The following PRKAR1B variants were observed in gnomAD, a reference collection of about 807,000 sequenced individuals.
The protein encoded by PRKAR1B is cAMP-dependent protein kinase type I-beta regulatory subunit.
PRKAR1B carries 22 observed loss-of-function variants against 46.5 expected under a neutral mutation model. That is an observed-to-expected ratio of 0.47 (90% confidence interval 0.34 to 0.68). PRKAR1B has a LOEUF of 0.68. Ranked by LOEUF, PRKAR1B falls within the 30% of genes least tolerant of loss-of-function variation. The probability of loss-of-function intolerance (pLI) is 0.01; values close to 1 mark genes in which losing one functional copy is unlikely to be tolerated. For missense variants in PRKAR1B, 445 were observed against 535.6 expected, an observed-to-expected ratio of 0.83 and a Z score of 1.67; for synonymous variants, 259 against 217.7, an observed-to-expected ratio of 1.19 and a Z score of -1.67.
chr7:573,457 T>C (rs1779640248), intron 9 of PRKAR1B, among the ~76,000 whole-genome samples: 1 of 152,014 alleles, frequency 6.6e-6, no homozygotes, highest in Admixed American at 6.6e-5. Context: ...GGGAAGCCTG[T>C]GCAGGAGCGC....
At chr7:633,106 G>A (rs999055560) in intron 4 of PRKAR1B, among the ~76,000 whole-genome samples, 4 of 152,226 alleles carry the variant, frequency 2.6e-5, no homozygotes, top group East Asian at 3.8e-4. Context: ...TCTGGAATAC[G>A]CTCAGAAACA....
intron 9 of PRKAR1B, among the ~76,000 whole-genome samples, chr7:554,321 G>A (rs1478575659): frequency 2.0e-5 from 3 of 152,266 alleles, no homozygotes; most frequent in Non-Finnish European, 4.4e-5. Context: ...TGTGAGCGGC[G>A]TTATTTGTCT....
At chr7:668,866 A>C (rs1287877167) in intron 4 of PRKAR1B, among the ~76,000 whole-genome samples, 1 of 152,118 alleles carries the variant, frequency 6.6e-6, no homozygotes, top group African/African-American at 2.4e-5. Context: ...AGTTGCCACC[A>C]AGAGGGCACA....
intron 2 of PRKAR1B, among the ~76,000 whole-genome samples, chr7:684,585 C>A (rs115282894): frequency 6.6e-6 from 1 of 152,106 alleles, no homozygotes; most frequent in Non-Finnish European, 1.5e-5. Context: ...ACGGAGGGAA[C>A]GGTTCTGCTG....
At chr7:625,003 A>G (rs543135236) in intron 4 of PRKAR1B, among the ~76,000 whole-genome samples, 36 of 152,358 alleles carry the variant, frequency 2.4e-4, no homozygotes, top group African/African-American at 8.2e-4. Context: ...GAGAGAAAAC[A>G]TTCTGGGCCA....
At chr7:716,377 A>G (rs530573941) in intron 1 of PRKAR1B, among the ~76,000 whole-genome samples, 1 of 152,126 alleles carries the variant, frequency 6.6e-6, no homozygotes, top group East Asian at 1.9e-4. Context: ...TCTTTTCCCA[A>G]TCACCACATA....
intron 9 of PRKAR1B, among the ~76,000 whole-genome samples, chr7:566,429 C>CCATCGTTATCACCATCACCACCAG (rs1779147225): frequency 7.1e-4 from 2 of 2,814 alleles, no homozygotes; most frequent in Admixed American, 3.8e-3. Context: ...ACCATCACCA[C>CCATCGTTATCACCATCACCACCAG]CATCACCATC....
chr7:637,148 G>A (rs953574664), intron 4 of PRKAR1B, among the ~76,000 whole-genome samples: 15 of 152,300 alleles, frequency 9.8e-5, no homozygotes, highest in African/African-American at 3.1e-4. Context: ...TTAGCCGGGC[G>A]TGGTGGTGCA....
chr7:725,920 CT>C (rs1781248118), intron 1 of PRKAR1B, among the ~76,000 whole-genome samples: 3 of 152,214 alleles, frequency 2.0e-5, no homozygotes, highest in Admixed American at 2.0e-4. Flanking sequence ...AGAGAATCAA[CT>C]TTGACTCTCC....
At chr7:579,170 T>G (rs1027866736) in intron 9 of PRKAR1B, 86 bp downstream of exon 9, 31 of 1,604,754 alleles carry the variant, frequency 1.9e-5, no homozygotes, top group Admixed American at 5.0e-5. Flanking sequence ...AGAGGGAGGG[T>G]GAGGCGGGCA....
intron 9 of PRKAR1B, among the ~76,000 whole-genome samples, chr7:553,994 C>T (rs1784412507): frequency 6.6e-6 from 1 of 152,274 alleles, no homozygotes; most frequent in Non-Finnish European, 1.5e-5. Flanking sequence ...GCCGGGTGCC[C>T]ACAGACTCAG....
At chr7:612,794 G>A (rs1782599653) in intron 4 of PRKAR1B, among the ~76,000 whole-genome samples, 1 of 151,774 alleles carries the variant, frequency 6.6e-6, no homozygotes, top group South Asian at 2.1e-4. Context: ...TAAAAATATT[G>A]TAATAATATT....
intron 4 of PRKAR1B, among the ~76,000 whole-genome samples, chr7:612,706 G>A (rs938839770): frequency 1.3e-5 from 2 of 152,238 alleles, no homozygotes; most frequent in African/African-American, 4.8e-5. Flanking sequence ...ATCAAAAGCT[G>A]CTGGAGTGGC....
intron 1 of PRKAR1B, among the ~76,000 whole-genome samples, chr7:715,397 G>A (rs925659282): frequency 4.6e-5 from 7 of 152,076 alleles, no homozygotes; most frequent in East Asian, 3.9e-4. Context: ...ATCGGACCAC[G>A]TGGACCTCAA....
chr7:573,263 C>CG (rs1779627126), intron 9 of PRKAR1B, among the ~76,000 whole-genome samples: 3 of 152,338 alleles, frequency 2.0e-5, no homozygotes, highest in Non-Finnish European at 2.9e-5. Flanking sequence ...TACCTTCCCT[C>CG]GGGTTGAGTT....
intron 4 of PRKAR1B, among the ~76,000 whole-genome samples, chr7:635,374 C>A (rs1340564107): frequency 6.6e-6 from 1 of 152,228 alleles, no homozygotes; most frequent in Non-Finnish European, 1.5e-5. Flanking sequence ...TGTGGCATCG[C>A]TGCTCTGAAA....
chr7:652,294 C>A (rs960857662), intron 4 of PRKAR1B, among the ~76,000 whole-genome samples: 40 of 149,324 alleles, frequency 2.7e-4, no homozygotes, highest in African/African-American at 9.7e-4. Flanking sequence ...CAGTTCACAC[C>A]CACGCAGCGC....
rs1239458481 is a variant in PRKAR1B, at chr7:644,905, C to T, written c.440+32324G>A. Among the ~76,000 whole-genome samples, 1 of 152,202 alleles carries T rather than the reference C, an allele frequency of 6.6e-6. No individual in the cohort carries two copies. Among genetic ancestry groups the T allele is most frequent in the Non-Finnish European group, 1.5e-5 (1 of 68,032 alleles). On this transcript the variant is annotated intron_variant, in intron 4 of 10. Transcript: ENST00000537384. This position sits in a 1 kb window ranked among gnomAD's most constrained non-coding sequence, Gnocchi z 4.9. ...CTGCTCAGAGGCCGCCCAGGCCACC[C>T]CGTCTCACGATGGGGAGATGTGAGA...
chr7:696,192 G>A (rs1316439345), intron 2 of PRKAR1B, among the ~76,000 whole-genome samples: 1 of 150,838 alleles, frequency 6.6e-6, no homozygotes, highest in Non-Finnish European at 1.5e-5. Context: ...GCCCAGGCTA[G>A]TCTCAAGCGA....
Sources: allele counts gnomAD v4.1 joint callset (sites outside exome capture counted in the v4.1 genomes callset), GRCh38; gene constraint gnomAD v4.1.1; non-coding constraint Gnocchi (gnomAD v3.1); transcripts MANE v1.5; gene names NCBI Gene and HGNC (gene_info 2026-07-23, HGNC 2026-07-21).